Variants in MPDZ observed in about 807,000 individuals in gnomAD.
MPDZ encodes multiple PDZ domain crumbs cell polarity complex component.
A neutral mutation model predicts 239.1 loss-of-function variants in MPDZ; 234 were observed. The observed-to-expected ratio is 0.98, with a 90% CI of 0.88 to 1.09. MPDZ has a LOEUF of 1.09. Among genes scored for constraint, MPDZ ranks in the 50% least tolerant of loss-of-function variants. The pLI is 0.00. For synonymous variants in MPDZ, 1,048 were observed against 881.3 expected (o/e 1.19, Z -3.35); for missense variants, 3,175 against 2,510.0 (o/e 1.26, Z -5.66).
In MPDZ at chr9:13,199,464, T is replaced by C. The variant is rs567251290; in HGVS notation, c.1547-3234A>G. Among the ~76,000 whole-genome samples, 9 of 152,178 alleles carry C rather than the reference T, an allele frequency of 5.9e-5. No homozygotes were observed. In the South Asian group the frequency reaches 1.7e-3, roughly 28 times the overall value. On this transcript the variant is annotated intron_variant, in intron 12 of 46. Coordinates refer to ENST00000319217, the MANE Select transcript of MPDZ (RefSeq NM_001378778.1). ...CTGCAAATAAGGACAATTTGACTTA[T>C]CTCTTTCCAATCTGGATGCCCGTTA...
intron 1 of MPDZ, among the ~76,000 whole-genome samples, chr9:13,264,621 T>C (rs1040336616): frequency 4.6e-5 from 7 of 151,396 alleles, no homozygotes; most frequent in Non-Finnish European, 8.8e-5. Context: ...TTGCATTATA[T>C]TTATTTCCTT....
At chr9:13,180,411 A>G (rs1953126661) in intron 19 of MPDZ, among the ~76,000 whole-genome samples, 1 of 152,186 alleles carries the variant, frequency 6.6e-6, no homozygotes, top group South Asian at 2.1e-4. Flanking sequence ...CACATTGGTA[A>G]CAATATCATC....
At chr9:13,203,563 G>A (rs986945438) in intron 12 of MPDZ, among the ~76,000 whole-genome samples, 17 of 152,218 alleles carry the variant, frequency 1.1e-4, no homozygotes, top group African/African-American at 3.4e-4. Flanking sequence ...AGGCTTGCAC[G>A]ATGTGTAAAA....
At chr9:13,237,537 G>C (rs998951178) in intron 3 of MPDZ, among the ~76,000 whole-genome samples, 4 of 148,826 alleles carry the variant, frequency 2.7e-5, no homozygotes, top group South Asian at 2.2e-4. Context: ...ACACTAATTT[G>C]AGTTGCAAGC....
intron 24 of MPDZ, among the ~76,000 whole-genome samples, chr9:13,152,151 A>G (rs943725073): frequency 3.3e-5 from 5 of 152,132 alleles, no homozygotes; most frequent in African/African-American, 1.2e-4. Context: ...TGCACACACT[A>G]TGTCACAAAC....
chr9:13,140,927 T>C (rs980419357), intron 27 of MPDZ: 5 of 152,118 alleles, frequency 3.3e-5, no homozygotes, highest in Admixed American at 2.0e-4. Context: ...GAGAGCCAGT[T>C]TGTTAGCACA....
At chr9:13,114,513 A>C (rs531789068) in intron 40 of MPDZ, among the ~76,000 whole-genome samples, 5 of 152,276 alleles carry the variant, frequency 3.3e-5, no homozygotes, top group African/African-American at 1.2e-4. Context: ...ATTTAACATC[A>C]TATTTTTATA....
intron 1 of MPDZ, among the ~76,000 whole-genome samples, chr9:13,276,045 C>T (rs1017683253): frequency 2.6e-5 from 4 of 152,162 alleles, no homozygotes; most frequent in Non-Finnish European, 5.9e-5. Flanking sequence ...TCCTAGAATC[C>T]CTGTAACATT....
intron 1 of MPDZ, among the ~76,000 whole-genome samples, chr9:13,257,689 C>T (rs1277091412): frequency 6.6e-6 from 1 of 152,114 alleles, no homozygotes; most frequent in Non-Finnish European, 1.5e-5. Flanking sequence ...CTGAGATAAT[C>T]TTACTTTGCA....
intron 9 of MPDZ, 22 bp downstream of exon 9, chr9:13,217,158 A>G (rs1958450797): frequency 7.2e-7 from 1 of 1,397,412 alleles, no homozygotes; most frequent in African/African-American, 1.4e-5. Flanking sequence ...AGTTTAAAAG[A>G]ATACTTAATG....
At chr9:13,157,960 G>T in intron 24 of MPDZ, 58 bp downstream of exon 24, 1 of 1,446,350 alleles carries the variant, frequency 6.9e-7, no homozygotes, top group Non-Finnish European at 9.6e-7. Flanking sequence ...AACCACACCT[G>T]CTTATCTTTA....
intron 3 of MPDZ, among the ~76,000 whole-genome samples, chr9:13,236,925 G>T (rs1242838510): frequency 6.6e-6 from 1 of 150,638 alleles, no homozygotes; most frequent in African/African-American, 2.4e-5. Flanking sequence ...AAATACGTTT[G>T]ATCTTTTTTA....
At chr9:13,116,396 G>C (rs538353058) in intron 39 of MPDZ, among the ~76,000 whole-genome samples, 15 of 152,290 alleles carry the variant, frequency 9.8e-5, no homozygotes, top group Middle Eastern at 3.4e-3. Context: ...GCTTATGACA[G>C]TGTCTAGAAT....
At chr9:13,193,851 C>T (rs1955276299) in intron 13 of MPDZ, among the ~76,000 whole-genome samples, 1 of 152,060 alleles carries the variant, frequency 6.6e-6, no homozygotes, top group East Asian at 1.9e-4. Flanking sequence ...ATATTAAAAT[C>T]AGAATGTATG....
chr9:13,160,441 G>A (rs1950324674), intron 23 of MPDZ, among the ~76,000 whole-genome samples: 1 of 152,104 alleles, frequency 6.6e-6, no homozygotes, highest in African/African-American at 2.4e-5. Context: ...AGGAAGCACA[G>A]TGCTCAAAGT....
At chr9:13,210,354 C>CATGT (rs1422842545) in intron 10 of MPDZ, among the ~76,000 whole-genome samples, 2 of 151,078 alleles carry the variant, frequency 1.3e-5, no homozygotes, top group Admixed American at 1.3e-4. Context: ...TAAAGAACTA[C>CATGT]AATTCACACA....
intron 1 of MPDZ, among the ~76,000 whole-genome samples, chr9:13,264,232 G>A (rs1271671807): frequency 2.0e-5 from 3 of 152,098 alleles, no homozygotes; most frequent in African/African-American, 7.2e-5. Flanking sequence ...TGGTTGGTCT[G>A]AGGCAAAATG....
chr9:13,106,012 T>C lies in MPDZ; in HGVS notation c.*953A>G, dbSNP rs1586822678. 1 of 152,296 alleles carries C rather than the reference T, an allele frequency of 6.6e-6. No individual in the cohort carries two copies. Among genetic ancestry groups the C allele is most frequent in the East Asian group, 1.9e-4 (1 of 5,190 alleles). The allele number at this position is 152,296 out of a possible 1,614,324, so 9.4% of individuals were successfully genotyped here. On this transcript the variant is annotated 3_prime_UTR_variant, in exon 47 of 47. Coordinates refer to ENST00000319217, the MANE Select transcript of MPDZ (RefSeq NM_001378778.1). ...CTTAATTTTTCTATCAATTTACTAATGGCATACAACCAAAATAATTAGTAA... is the reference window on the plus strand; with the variant it reads ...CTTAATTTTTCTATCAATTTACTAACGGCATACAACCAAAATAATTAGTAA...
intron 21 of MPDZ, among the ~76,000 whole-genome samples, chr9:13,172,270 A>G (rs1008522972): frequency 2.0e-5 from 3 of 152,232 alleles, no homozygotes; most frequent in African/African-American, 7.2e-5. Context: ...TAGCATATCA[A>G]TAATGGAAAT....
Sources: allele counts gnomAD v4.1 joint callset (sites outside exome capture counted in the v4.1 genomes callset), GRCh38; gene constraint gnomAD v4.1.1; transcripts MANE v1.5; gene names NCBI Gene and HGNC (gene_info 2026-07-23, HGNC 2026-07-21).